Variants in DAB1 observed in about 807,000 individuals in gnomAD.
The protein encoded by DAB1 is DAB adaptor protein 1, also known as disabled homolog 1.
Under a neutral mutation model 64.6 loss-of-function variants are expected in DAB1, and 15 were observed. The ratio of observed to expected loss-of-function variants is 0.23; its 90% confidence interval spans 0.16 to 0.36. The LOEUF (loss-of-function observed/expected upper bound fraction) is 0.36, where lower values mean the gene tolerates loss of function less well. DAB1 is among the 10% of genes least tolerant of loss of function. The pLI is 1.00. For missense variants in DAB1, 596 were observed against 706.7 expected (o/e 0.84, Z 1.78); for synonymous variants, 235 against 251.9 (o/e 0.93, Z 0.64).
intron 2 of DAB1, among the ~76,000 whole-genome samples, chr1:58,506,616 T>C (rs1645994572): frequency 6.6e-6 from 1 of 152,214 alleles, no homozygotes; most frequent in South Asian, 2.1e-4. Flanking sequence ...CTATTTTCAG[T>C]ATGATGGATA....
At chr1:57,973,681 G>C (rs1410964282) in intron 5 of DAB1, among the ~76,000 whole-genome samples, 2 of 152,100 alleles carry the variant, frequency 1.3e-5, no homozygotes, top group African/African-American at 4.8e-5. Flanking sequence ...TGAATAAAGA[G>C]TCCTTTAACA....
rs1644574194 is a variant in DAB1, at chr1:57,907,718, C to T, written n.388-23556G>A. Among the ~76,000 whole-genome samples, 5 of 152,146 alleles carry T rather than the reference C, an allele frequency of 3.3e-5. No individual in the cohort carries two copies. The South Asian group carries it at 1.0e-3, about 32-fold the overall frequency. The stretch of plus-strand genomic sequence containing the variant: ...CTGTGTGAAGTCTGAGCCCTCTATC[C>T]TCCCCACCATCTTTTGGTATGTGGC... On this transcript the variant is annotated intron_variant and non_coding_transcript_variant, in intron 5 of 20. Transcript: ENST00000485760.
intron 4 of DAB1, among the ~76,000 whole-genome samples, chr1:58,222,325 A>G (rs767246769): frequency 1.2e-4 from 18 of 152,176 alleles, no homozygotes; most frequent in African/African-American, 2.6e-4. Context: ...CTCTCCTCCC[A>G]TCCTCTCATG....
At chr1:57,959,825 C>T (rs1645475768) in intron 5 of DAB1, among the ~76,000 whole-genome samples, 1 of 152,168 alleles carries the variant, frequency 6.6e-6, no homozygotes, top group South Asian at 2.1e-4. Flanking sequence ...TCCTTGGGGA[C>T]CTTTCTGCTT....
rs186479716 is a variant in DAB1, at chr1:57,302,191, C to T, written c.-136-11025G>A. On this transcript the variant is annotated intron_variant, in intron 1 of 14. Transcript: ENST00000371236. Reference sequence around the variant, plus strand: ...ATTATCTCCCTGACAAAAAAGCACACGCAACAGCAATAACCGTGTTTTCCT... The same window carrying T: ...ATTATCTCCCTGACAAAAAAGCACATGCAACAGCAATAACCGTGTTTTCCT... Among the ~76,000 whole-genome samples the T allele has an allele frequency of 6.6e-5, 10 of 152,260 alleles. No homozygotes were observed. The South Asian group carries it at 1.4e-3, about 22-fold the overall frequency.
chr1:57,552,906 A>G (rs184972158), intron 7 of DAB1, among the ~76,000 whole-genome samples: 50 of 152,280 alleles, frequency 3.3e-4, no homozygotes, highest in African/African-American at 1.0e-3. Flanking sequence ...TGAAGACATT[A>G]CATTATTGAT....
chr1:58,136,665 G>A (rs550629937), intron 5 of DAB1, among the ~76,000 whole-genome samples: 6 of 152,198 alleles, frequency 3.9e-5, no homozygotes, highest in Admixed American at 2.0e-4. Flanking sequence ...GATTCAACAG[G>A]TGTTTCCTGA....
At chr1:57,138,557 C>T (rs1268139883) in intron 3 of DAB1, among the ~76,000 whole-genome samples, 1 of 152,128 alleles carries the variant, frequency 6.6e-6, no homozygotes, top group Non-Finnish European at 1.5e-5. Flanking sequence ...TCTTAACTCA[C>T]ATACAAAGCA....
chr1:57,962,045 T>C (rs1189281711), intron 5 of DAB1, among the ~76,000 whole-genome samples: 1 of 151,792 alleles, frequency 6.6e-6, no homozygotes, highest in African/African-American at 2.4e-5. Context: ...AGAGTGGCGA[T>C]CTAAAGTCTG....
chr1:57,018,673 C>A (rs1339940228), intron 11 of DAB1, among the ~76,000 whole-genome samples: 1 of 152,198 alleles, frequency 6.6e-6, no homozygotes, highest in Non-Finnish European at 1.5e-5. Context: ...ACTCTCTTGA[C>A]ATCAGCCTGT....
At chr1:57,064,071 C>T (rs1167633937) in intron 8 of DAB1, among the ~76,000 whole-genome samples, 3 of 152,266 alleles carry the variant, frequency 2.0e-5, no homozygotes, top group Non-Finnish European at 2.9e-5. Flanking sequence ...ATATGGTAAA[C>T]GTATGATAGA....
At chr1:58,465,546 T>A (rs1352806205) in intron 3 of DAB1, among the ~76,000 whole-genome samples, 1 of 151,960 alleles carries the variant, frequency 6.6e-6, no homozygotes, top group African/African-American at 2.4e-5. Context: ...AGCCTCAGGG[T>A]AAGGAGCAGC....
chr1:57,934,238 T>A (rs1260819903), intron 5 of DAB1, among the ~76,000 whole-genome samples: 2 of 152,234 alleles, frequency 1.3e-5, no homozygotes, highest in East Asian at 3.9e-4. Flanking sequence ...TCTTTTTAAT[T>A]TTAGCCATTT....
intron 3 of DAB1, among the ~76,000 whole-genome samples, chr1:58,370,162 T>C (rs1037903141): frequency 6.6e-6 from 1 of 152,208 alleles, no homozygotes; most frequent in Admixed American, 6.5e-5. Context: ...CAGCCATCAA[T>C]AGGGGAACGG....
At chr1:57,727,524 T>A (rs536948642) in intron 6 of DAB1, among the ~76,000 whole-genome samples, 1 of 152,218 alleles carries the variant, frequency 6.6e-6, no homozygotes, top group Non-Finnish European at 1.5e-5. Flanking sequence ...AACGTGATCA[T>A]GATGAATGGG....
chr1:58,335,026 T>A (rs1569654759), intron 4 of DAB1, among the ~76,000 whole-genome samples: 1 of 152,110 alleles, frequency 6.6e-6, no homozygotes, highest in East Asian at 1.9e-4. Context: ...AACAAGTAAA[T>A]ATATAATGTA....
intron 3 of DAB1, among the ~76,000 whole-genome samples, chr1:58,437,801 T>C (rs576776313): frequency 3.9e-5 from 6 of 152,176 alleles, no homozygotes; most frequent in African/African-American, 9.7e-5. Context: ...TTCCAGGTCA[T>C]GTGACACTGA....
At chr1:57,102,849 T>C (rs897621788) in intron 4 of DAB1, among the ~76,000 whole-genome samples, 50 of 152,202 alleles carry the variant, frequency 3.3e-4, no homozygotes, top group African/African-American at 1.1e-3. Flanking sequence ...CAGAACATAC[T>C]TGGGGCCTCC....
At chr1:57,262,512 C>A (rs77999414) in intron 2 of DAB1, among the ~76,000 whole-genome samples, 2 of 152,196 alleles carry the variant, frequency 1.3e-5, no homozygotes, top group South Asian at 4.1e-4. Context: ...TTGTCCTTAC[C>A]TGCAGCCCAG....
Sources: gnomAD v4.1 joint callset for allele counts (sites outside exome capture counted in the v4.1 genomes callset) on GRCh38, gnomAD v4.1.1 for gene constraint, MANE v1.5 for transcripts, NCBI Gene and HGNC (gene_info 2026-07-23, HGNC 2026-07-21) for gene names.